Variants in FAM120B observed in about 807,000 individuals in gnomAD.
FAM120B encodes constitutive coactivator of peroxisome proliferator-activated receptor gamma.
FAM120B carries 83 observed loss-of-function variants against 96.3 expected under a neutral mutation model. That is an observed-to-expected ratio of 0.86 (90% CI 0.72 to 1.03). FAM120B has a LOEUF of 1.03. Among genes scored for constraint, FAM120B ranks in the 50% least tolerant of loss-of-function variants. The probability of loss-of-function intolerance (pLI) is 0.00; values close to 1 mark genes in which losing one functional copy is unlikely to be tolerated. For missense variants in FAM120B, 1,027 were observed against 1,121.2 expected (o/e 0.92, Z 1.20); for synonymous variants, 407 against 402.7 (o/e 1.01, Z -0.13).
intron 5 of FAM120B, among the ~76,000 whole-genome samples, chr6:170,355,398 T>G (rs80277191): frequency 5.9e-5 from 9 of 152,172 alleles, no homozygotes; most frequent in Non-Finnish European, 4.4e-5. Context: ...AAAAAGGAAC[T>G]ACATCATGTC....
chr6:170,321,925 G>C (rs1199043440), intron 2 of FAM120B, among the ~76,000 whole-genome samples: 1 of 152,200 alleles, frequency 6.6e-6, no homozygotes, highest in African/African-American at 2.4e-5. Context: ...TTAGGATTCA[G>C]AGTTTTTGGT....
intron 6 of FAM120B, 78 bp from the exon 7 acceptor site, chr6:170,388,209 A>G: frequency 8.0e-7 from 1 of 1,249,270 alleles, no homozygotes; most frequent in African/African-American, 1.5e-5. Flanking sequence ...GAGCAGAGTA[A>G]CTTTGCAGAG....
intron 4 of FAM120B, among the ~76,000 whole-genome samples, chr6:170,345,054 G>A (rs1191746115): frequency 6.6e-6 from 1 of 152,158 alleles, no homozygotes; most frequent in Non-Finnish European, 1.5e-5. Context: ...TTCCCCGGGG[G>A]CAGACAGTGA....
At position 170,330,530 on chromosome 6, in the gene FAM120B, C is replaced by G; in HGVS notation, c.1997C>G (p.Pro666Arg). ...CTGAGGCACCCGGACCTCGTCAGGC[C>G]GCTGCAGATGACCATTCCAGGTACA... ...NPLRHPDLVR[P>R]LQMTIPGGTP... Residue 666 changes from proline to arginine, a missense_variant, in exon 4 of 11, where the codon CCG becomes CGG. By Grantham distance (103) the Pro-to-Arg change is moderately radical (BLOSUM62 -2). This residue lies in a region of FAM120B where 880 missense variants were observed against 980.9 expected (regional missense o/e 0.90). Coordinates refer to ENST00000476287, the MANE Select transcript of FAM120B (RefSeq NM_032448.3). 6.2e-7 allele frequency: 1 copy of G among 1,613,920 alleles called. No individual in the cohort carries two copies. The highest frequency in any genetic ancestry group is 1.1e-5 in the South Asian group (1 of 91,072).
rs1012080640 is a variant in FAM120B at position 170,406,635 on chromosome 6, T to G, written c.*1884T>G. 6.6e-6 allele frequency: 1 copy of G among 152,240 alleles called. No homozygotes were observed. The highest frequency in any genetic ancestry group is 1.5e-5 in the Non-Finnish European group (1 of 68,040). 9.4% of individuals were successfully genotyped at this position (152,240 alleles called of 1,614,324 possible). The stretch of plus-strand genomic sequence containing the variant: ...TCGTGCAAGTCTTGTAGGACCCACA[T>G]GTTTTCCTAGCTTTGGAAATCGATT... On this transcript the variant is annotated 3_prime_UTR_variant, in exon 11 of 11. Transcript: ENST00000476287.
At chr6:170,351,037 A>T (rs1250331663) in intron 5 of FAM120B, among the ~76,000 whole-genome samples, 1 of 152,212 alleles carries the variant, frequency 6.6e-6, no homozygotes, top group Non-Finnish European at 1.5e-5. Flanking sequence ...AGAAGCTAAG[A>T]AATATGTTAA....
At chr6:170,304,820 G>A (rs1170404003), upstream of FAM120B, among the ~76,000 whole-genome samples, 1 of 152,204 alleles carries the variant, frequency 6.6e-6, no homozygotes, top group East Asian at 1.9e-4. Context: ...TCCAGGCTCA[G>A]TTCACAAACT....
Position 170,317,856 on chromosome 6 carries a change from T to C in FAM120B, c.466T>C (p.Leu156=). 1 of 1,614,232 alleles carries C rather than the reference T, an allele frequency of 6.2e-7. No homozygotes were observed. Among genetic ancestry groups the C allele is most frequent in the East Asian group, 2.2e-5 (1 of 44,884 alleles). Residue 156 remains leucine (L), a synonymous_variant, in exon 2 of 11, where the codon TTG becomes CTG. Transcript: ENST00000476287. ...ACTGGGCCAGGAAACTTTGTGTTCTTTGCAGGAAGCAGATTATGAGGTAGC... is the reference window on the plus strand; with the variant it reads ...ACTGGGCCAGGAAACTTTGTGTTCTCTGCAGGAAGCAGATTATGAGGTAGC... ...KTLGQETLCS[L]QEADYEVASY...
Position 170,348,203 on chromosome 6 carries a change from G to A in FAM120B, c.2070G>A (p.Gln690=), listed in dbSNP as rs1195962191. The change falls in exon 5 of 11, where the codon CAG becomes CAA. Residue 690 remains glutamine (Q), a synonymous_variant. Coordinates refer to ENST00000476287, the MANE Select transcript of FAM120B (RefSeq NM_032448.3). The part of the protein sequence containing the change: ...ILWLNQEPEI[Q]VRRLDTLLAC... The stretch of plus-strand genomic sequence containing the variant: ...GGCTGAACCAAGAGCCAGAAATACA[G>A]GTTCGGCGCTTGGACACACTCCTAG... The A allele has an allele frequency of 6.2e-7, 1 of 1,614,090 alleles. No homozygotes were observed. Among genetic ancestry groups the A allele is most frequent in the Admixed American group, 1.7e-5 (1 of 60,008 alleles).
At chr6:170,366,515 C>T (rs780137052) in intron 6 of FAM120B, among the ~76,000 whole-genome samples, 2 of 152,158 alleles carry the variant, frequency 1.3e-5, no homozygotes, top group African/African-American at 2.4e-5. Flanking sequence ...GTGAGCGCAC[C>T]TGAGTGGGGT....
intron 6 of FAM120B, among the ~76,000 whole-genome samples, chr6:170,383,949 T>G (rs542722775): frequency 1.3e-5 from 2 of 152,278 alleles, no homozygotes; most frequent in East Asian, 3.9e-4. Context: ...TAAAGAGGAA[T>G]GAGTGGCTGG....
chr6:170,319,795 T>G (rs112669628), intron 2 of FAM120B, among the ~76,000 whole-genome samples: 18 of 152,366 alleles, frequency 1.2e-4, no homozygotes, highest in African/African-American at 4.1e-4. Context: ...TGTAGCGTTT[T>G]GAATCTGCAT....
chr6:170,304,966 G>C (rs1035697000), upstream of FAM120B, among the ~76,000 whole-genome samples: 1 of 152,092 alleles, frequency 6.6e-6, no homozygotes, highest in African/African-American at 2.4e-5. Flanking sequence ...AGCATGGTTA[G>C]GTTCTGGTGA....
chr6:170,294,303 C>G (rs1050287791), upstream of FAM120B, among the ~76,000 whole-genome samples: 2 of 152,296 alleles, frequency 1.3e-5, no homozygotes, highest in South Asian at 4.1e-4. This position sits in a 1 kb window ranked among gnomAD's most constrained non-coding sequence, Gnocchi z 7.9. Context: ...CAAAGTGAGG[C>G]TCATTAGGGC....
chr6:170,302,391 A>G (rs529952764), upstream of FAM120B, among the ~76,000 whole-genome samples: 13 of 152,324 alleles, frequency 8.5e-5, no homozygotes. Flanking sequence ...AGATTATAGG[A>G]ACTACAGTTC....
At chr6:170,306,264 C>T (rs1050379681), upstream of FAM120B, among the ~76,000 whole-genome samples, 1 of 152,094 alleles carries the variant, frequency 6.6e-6, no homozygotes, top group Non-Finnish European at 1.5e-5. Context: ...CCAAACGTGG[C>T]GGGGAAGCGC....
chr6:170,292,699 G>C (rs1319132917), upstream of FAM120B, among the ~76,000 whole-genome samples: 7 of 152,194 alleles, frequency 4.6e-5, no homozygotes, highest in African/African-American at 1.4e-4. The surrounding 1 kb of genome is among the most constrained non-coding windows in gnomAD (Gnocchi z 6.6). Flanking sequence ...AGTCGTCCAG[G>C]GCAGGCCCTC....
Position 170,358,788 on chromosome 6 carries a change from C to T in FAM120B, c.2283+470C>T, listed in dbSNP as rs531383656. On this transcript the variant is annotated intron_variant, in intron 6 of 10. Transcript: ENST00000476287. ...GAGGGTACACCTCAGCTGGGAGATC[C>T]GCAGCCTCTATTGTTTGTATTCAGA... Among the ~76,000 whole-genome samples, 8 of 152,252 alleles carry T rather than the reference C, an allele frequency of 5.3e-5. No individual in the cohort carries two copies. In the South Asian group the frequency reaches 8.3e-4, roughly 16 times the overall value.
intron 6 of FAM120B, among the ~76,000 whole-genome samples, chr6:170,384,335 CTA>C (rs1386720422): frequency 1.3e-5 from 2 of 152,140 alleles, no homozygotes; most frequent in Non-Finnish European, 2.9e-5. Flanking sequence ...GCCCTCTATC[CTA>C]TCTTTGTCAA....
Sources: allele counts gnomAD v4.1 joint callset (sites outside exome capture counted in the v4.1 genomes callset), GRCh38; gene constraint gnomAD v4.1.1; regional missense constraint gnomAD v4.1.1; non-coding constraint Gnocchi (gnomAD v3.1); transcripts MANE v1.5; gene names NCBI Gene and HGNC (gene_info 2026-07-23, HGNC 2026-07-21).